ADGRB3: variants seen among roughly 807,000 people sequenced by gnomAD.
ADGRB3 encodes adhesion G protein-coupled receptor B3, also known as brain-specific angiogenesis inhibitor 3.
In ADGRB3, 37 loss-of-function variants were observed where a neutral mutation model predicts 193.4. The ratio of observed to expected loss-of-function variants is 0.19; its 90% CI spans 0.15 to 0.25. The LOEUF (loss-of-function observed/expected upper bound fraction) is 0.25. Ranked by LOEUF, ADGRB3 falls within the 10% of genes least tolerant of loss-of-function variation. The probability of loss-of-function intolerance (pLI) is 1.00; values close to 1 mark genes in which losing one functional copy is unlikely to be tolerated. For missense variants in ADGRB3, 1,637 were observed against 1,852.9 expected, an observed-to-expected ratio of 0.88 and a Z score of 2.14; for synonymous variants, 690 against 644.2, an observed-to-expected ratio of 1.07 and a Z score of -1.08.
intron 29 of ADGRB3, among the ~76,000 whole-genome samples, chr6:69,368,619 C>A (rs144153043): frequency 6.6e-6 from 1 of 151,948 alleles, no homozygotes; most frequent in East Asian, 1.9e-4. Flanking sequence ...AGAAGAGAGC[C>A]CAGGAACTCA....
intron 3 of ADGRB3, among the ~76,000 whole-genome samples, chr6:68,828,427 T>C (rs964410956): frequency 6.6e-6 from 1 of 152,194 alleles, no homozygotes; most frequent in Non-Finnish European, 1.5e-5. Context: ...GAACCTTTAA[T>C]GGTGATTCTA....
intron 17 of ADGRB3, among the ~76,000 whole-genome samples, chr6:69,135,241 G>C (rs548462879): frequency 6.6e-6 from 1 of 151,518 alleles, no homozygotes; most frequent in Non-Finnish European, 1.5e-5. Flanking sequence ...TTTTCTTCTA[G>C]AAGCAGCCTA....
chr6:69,031,347 A>G (rs1770677511), intron 13 of ADGRB3, among the ~76,000 whole-genome samples: 2 of 151,130 alleles, frequency 1.3e-5, no homozygotes, highest in Admixed American at 6.6e-5. Context: ...AGGCTGAGGC[A>G]GGAGAATGAT....
intron 20 of ADGRB3, among the ~76,000 whole-genome samples, chr6:69,303,679 T>A (rs541380086): frequency 6.2e-4 from 94 of 151,916 alleles, no homozygotes; most frequent in African/African-American, 2.0e-3. Context: ...AAAAAAAAAA[T>A]TTTTTGCTCA....
intron 17 of ADGRB3, among the ~76,000 whole-genome samples, chr6:69,098,945 G>A (rs1772958712): frequency 6.6e-6 from 1 of 152,058 alleles, no homozygotes; most frequent in South Asian, 2.1e-4. Flanking sequence ...CTGAGAACTG[G>A]TATTTGAGAA....
At chr6:68,941,297 A>G (rs919735458) in intron 5 of ADGRB3, among the ~76,000 whole-genome samples, 3 of 152,152 alleles carry the variant, frequency 2.0e-5, no homozygotes, top group African/African-American at 7.2e-5. Flanking sequence ...TACTAACTCA[A>G]TAGTATCTAA....
intron 20 of ADGRB3, among the ~76,000 whole-genome samples, chr6:69,267,522 G>A (rs62408266): frequency 0.05 from 7,544 of 152,200 alleles, 229 homozygotes; most frequent in Non-Finnish European, 0.072. Context: ...AAAAGATGCA[G>A]AGTTTAAAAA....
intron 3 of ADGRB3, among the ~76,000 whole-genome samples, chr6:68,646,487 A>AAAAAAAG (rs1191038353): frequency 9.5e-5 from 14 of 147,220 alleles, no homozygotes; most frequent in South Asian, 2.1e-4. Context: ...AAAAAAAAAA[A>AAAAAAAG]AAAAAAGAAA....
rs767323525 is a variant in ADGRB3 at position 69,355,817 on chromosome 6, A to G, written c.3556-4A>G. ...GTTCTATGTCTTATTATTTATTGTT[A>G]CAGACAGACTTTGAAAAGGATGTAG... On this transcript the variant is annotated splice_polypyrimidine_tract_variant and splice_region_variant and intron_variant, in intron 27 of 31. Coordinates refer to ENST00000370598, the MANE Select transcript of ADGRB3 (RefSeq NM_001704.3). 3.9e-5 allele frequency: 62 copies of G among 1,605,582 alleles called. No individual in the cohort carries two copies. Among genetic ancestry groups the G allele is most frequent in the Non-Finnish European group, 5.0e-5 (59 of 1,173,190 alleles).
chr6:69,317,221 C>T (rs777290802), intron 20 of ADGRB3, among the ~76,000 whole-genome samples: 1 of 151,472 alleles, frequency 6.6e-6, no homozygotes, highest in Non-Finnish European at 1.5e-5. Flanking sequence ...AGGTAGCCTT[C>T]ACAGTACGTA....
At chr6:68,814,790 G>T (rs1767595674) in intron 3 of ADGRB3, among the ~76,000 whole-genome samples, 1 of 152,032 alleles carries the variant, frequency 6.6e-6, no homozygotes, top group South Asian at 2.1e-4. Flanking sequence ...TATCCACCTT[G>T]ATCAAGTGGG....
intron 13 of ADGRB3, among the ~76,000 whole-genome samples, chr6:69,042,076 T>C (rs558868493): frequency 2.6e-4 from 39 of 152,284 alleles, no homozygotes; most frequent in African/African-American, 9.4e-4. Context: ...TGAGATCTGA[T>C]GATTTTATAA....
chr6:69,028,612 T>C (rs1352933273), intron 13 of ADGRB3, among the ~76,000 whole-genome samples: 5 of 152,160 alleles, frequency 3.3e-5, no homozygotes, highest in Non-Finnish European at 4.4e-5. Context: ...ATTTATCTTA[T>C]CTGTTTTATA....
intron 20 of ADGRB3, among the ~76,000 whole-genome samples, chr6:69,284,933 T>C (rs1338110036): frequency 6.6e-6 from 1 of 151,910 alleles, no homozygotes; most frequent in Admixed American, 6.6e-5. Context: ...ATTTAACACA[T>C]AAAATTGGCA....
intron 3 of ADGRB3, among the ~76,000 whole-genome samples, chr6:68,874,106 A>G (rs1052059788): frequency 4.6e-5 from 7 of 152,200 alleles, no homozygotes; most frequent in South Asian, 4.1e-4. Context: ...TTTTTATGAT[A>G]TATATTTTTC....
intron 17 of ADGRB3, among the ~76,000 whole-genome samples, chr6:69,118,607 A>ATT (rs1317748052): frequency 1.3e-5 from 2 of 151,932 alleles, no homozygotes; most frequent in Non-Finnish European, 2.9e-5. Context: ...GACATATCAC[A>ATT]TTTTATATTT....
chr6:68,889,749 G>T (rs1210207795), intron 3 of ADGRB3, among the ~76,000 whole-genome samples: 1 of 151,952 alleles, frequency 6.6e-6, no homozygotes, highest in African/African-American at 2.4e-5. Flanking sequence ...TGATCCACCT[G>T]CCTCGGCCTC....
chr6:68,717,023 T>C (rs1285818446), intron 3 of ADGRB3, among the ~76,000 whole-genome samples: 1 of 151,732 alleles, frequency 6.6e-6, no homozygotes, highest in Non-Finnish European at 1.5e-5. Flanking sequence ...GGAGCTTATC[T>C]TTCTACATGG....
intron 15 of ADGRB3, among the ~76,000 whole-genome samples, chr6:69,050,136 G>T (rs960380953): frequency 2.6e-5 from 4 of 152,228 alleles, no homozygotes; most frequent in African/African-American, 9.6e-5. Context: ...TACATTTTTG[G>T]AGAGGAAAGA....
Sources: gnomAD v4.1 joint callset for allele counts (sites outside exome capture counted in the v4.1 genomes callset) on GRCh38, gnomAD v4.1.1 for gene constraint, MANE v1.5 for transcripts, NCBI Gene and HGNC (gene_info 2026-07-23, HGNC 2026-07-21) for gene names.